Variants in XKR4 observed in about 807,000 individuals in gnomAD.
XKR4 encodes XK related 4.
In XKR4, 12 loss-of-function variants were observed where a neutral mutation model predicts 53.9. The observed-to-expected ratio is 0.22, with a 90% CI of 0.14 to 0.36. The LOEUF is 0.36. Ranked by LOEUF, XKR4 falls within the 10% of genes least tolerant of loss-of-function variation. The pLI, the probability that XKR4 is intolerant of heterozygous loss-of-function variation, is 1.00. For synonymous variants in XKR4, 354 were observed against 362.4 expected (o/e 0.98, Z 0.26); for missense variants, 799 against 859.5 (o/e 0.93, Z 0.88).
intron 1 of XKR4, among the ~76,000 whole-genome samples, chr8:55,229,095 C>T (rs1471365120): frequency 2.6e-5 from 4 of 152,214 alleles, no homozygotes; most frequent in South Asian, 4.1e-4. Flanking sequence ...GTCATATGTC[C>T]GTGACCAGGT....
chr8:55,416,400 A>C (rs1011166091), intron 2 of XKR4, among the ~76,000 whole-genome samples: 11 of 152,170 alleles, frequency 7.2e-5, no homozygotes, highest in African/African-American at 2.7e-4. Context: ...TCACCATGTA[A>C]TCTTACCCTA....
At chr8:55,322,566 A>G (rs1310429374) in intron 1 of XKR4, among the ~76,000 whole-genome samples, 1 of 152,250 alleles carries the variant, frequency 6.6e-6, no homozygotes, top group Non-Finnish European at 1.5e-5. Context: ...TATTTTCCAA[A>G]GAATTTTAAC....
At chr8:55,210,854 G>A (rs1213561698) in intron 1 of XKR4, among the ~76,000 whole-genome samples, 1 of 152,190 alleles carries the variant, frequency 6.6e-6, no homozygotes, top group East Asian at 1.9e-4. Context: ...TGCATAAGGT[G>A]TGCATTTCTG....
intron 1 of XKR4, among the ~76,000 whole-genome samples, chr8:55,172,768 A>G (rs1455723523): frequency 6.6e-6 from 1 of 152,214 alleles, no homozygotes; most frequent in African/African-American, 2.4e-5. Context: ...ACATTTTCAG[A>G]TGTCTGCAAT....
chr8:55,154,455 T>C (rs1450848888), intron 1 of XKR4, among the ~76,000 whole-genome samples: 1 of 152,220 alleles, frequency 6.6e-6, no homozygotes, highest in Non-Finnish European at 1.5e-5. Flanking sequence ...TTAAATTTAA[T>C]TTTCTACTTT....
At chr8:55,274,687 C>T (rs1203851102) in intron 1 of XKR4, among the ~76,000 whole-genome samples, 9 of 152,148 alleles carry the variant, frequency 5.9e-5, no homozygotes, top group Non-Finnish European at 1.0e-4. Flanking sequence ...CCTGCCTCGT[C>T]CTTTCAAAGT....
intron 1 of XKR4, among the ~76,000 whole-genome samples, chr8:55,350,891 C>G (rs1223284010): frequency 6.6e-6 from 1 of 151,976 alleles, no homozygotes; most frequent in Non-Finnish European, 1.5e-5. Context: ...ATGCGTGCGC[C>G]ACCACACCTG....
chr8:55,310,245 T>C (rs1201602950), intron 1 of XKR4, among the ~76,000 whole-genome samples: 1 of 152,190 alleles, frequency 6.6e-6, no homozygotes, highest in East Asian at 1.9e-4. Flanking sequence ...TCAATATTTT[T>C]AAATCGGAGA....
intron 2 of XKR4, among the ~76,000 whole-genome samples, chr8:55,466,259 T>A (rs1805766318): frequency 6.6e-6 from 1 of 152,108 alleles, no homozygotes; most frequent in African/African-American, 2.4e-5. Context: ...AATGATAGAC[T>A]GGATGAAGAA....
At chr8:55,165,127 A>T (rs1817049136) in intron 1 of XKR4, among the ~76,000 whole-genome samples, 1 of 152,182 alleles carries the variant, frequency 6.6e-6, no homozygotes, top group Admixed American at 6.5e-5. Context: ...TCCTCCCAAT[A>T]GTTCCTTTTT....
chr8:55,288,751 T>G (rs1254672202), intron 1 of XKR4, among the ~76,000 whole-genome samples: 1 of 152,166 alleles, frequency 6.6e-6, no homozygotes. Flanking sequence ...GGTAACATCT[T>G]GCAAAACTTG....
intron 2 of XKR4, among the ~76,000 whole-genome samples, chr8:55,457,245 C>A (rs1212875478): frequency 6.6e-6 from 1 of 151,444 alleles, no homozygotes; most frequent in Non-Finnish European, 1.5e-5. Context: ...CAGGTTCACG[C>A]CATTCTCCTG....
intron 1 of XKR4, among the ~76,000 whole-genome samples, chr8:55,148,224 G>A (rs1202022564): frequency 6.6e-6 from 1 of 152,082 alleles, no homozygotes; most frequent in Non-Finnish European, 1.5e-5. Flanking sequence ...GGACAACATG[G>A]TGTAACCCCG....
rs1818506850 is a variant in XKR4 at position 55,260,412 on chromosome 8, G to A, written c.807-97266G>A. On this transcript the variant is annotated intron_variant, in intron 1 of 2. Coordinates refer to ENST00000327381, the MANE Select transcript of XKR4 (RefSeq NM_052898.2). Reference sequence around the variant, plus strand: ...GATTTCTATGAAAGGTATGGAAAAGGCTATTTAGTATTTCCACCACCCTAC... The same window carrying A: ...GATTTCTATGAAAGGTATGGAAAAGACTATTTAGTATTTCCACCACCCTAC... Among the ~76,000 whole-genome samples the A allele has an allele frequency of 2.0e-5, 3 of 152,172 alleles. No homozygotes were observed. The South Asian group carries it at 6.2e-4, about 31-fold the overall frequency.
chr8:55,205,145 T>TA (rs1817627921), intron 1 of XKR4, among the ~76,000 whole-genome samples: 1 of 152,236 alleles, frequency 6.6e-6, no homozygotes, highest in African/African-American at 2.4e-5. Flanking sequence ...TACTAAAACA[T>TA]AAACAGCAAA....
chr8:55,150,197 A>C (rs896405769), intron 1 of XKR4, among the ~76,000 whole-genome samples: 2 of 152,240 alleles, frequency 1.3e-5, no homozygotes, highest in African/African-American at 4.8e-5. Flanking sequence ...TCTTCAAGTT[A>C]ATCAGAGCAA....
intron 1 of XKR4, among the ~76,000 whole-genome samples, chr8:55,172,545 C>G (rs1817176894): frequency 6.6e-6 from 1 of 152,070 alleles, no homozygotes; most frequent in South Asian, 2.1e-4. Flanking sequence ...TCCCCCTTTC[C>G]TATAGTATAA....
At chr8:55,382,169 C>A (rs536973188) in intron 2 of XKR4, among the ~76,000 whole-genome samples, 1 of 152,274 alleles carries the variant, frequency 6.6e-6, no homozygotes, top group South Asian at 2.1e-4. Context: ...AATTATTTTT[C>A]TGATGCTGAG....
chr8:55,468,037 T>A (rs919557838), intron 2 of XKR4, among the ~76,000 whole-genome samples: 1 of 152,160 alleles, frequency 6.6e-6, no homozygotes, highest in African/African-American at 2.4e-5. Flanking sequence ...ATTTTTGCAC[T>A]GTTTATTTCT....
Sources: allele counts gnomAD v4.1 joint callset (sites outside exome capture counted in the v4.1 genomes callset), GRCh38; gene constraint gnomAD v4.1.1; transcripts MANE v1.5; gene names NCBI Gene and HGNC (gene_info 2026-07-23, HGNC 2026-07-21).